The following USP36 variants were observed in gnomAD, a reference collection of about 807,000 sequenced individuals.
The protein encoded by USP36 is ubiquitin specific peptidase 36, also known as ubiquitin carboxyl-terminal hydrolase 36.
In USP36, 59 loss-of-function variants were observed where a neutral mutation model predicts 111.5. The observed-to-expected ratio is 0.53, with a 90% CI of 0.43 to 0.66. The LOEUF (loss-of-function observed/expected upper bound fraction) is 0.66. USP36 is among the 30% of genes least tolerant of loss of function. The probability of loss-of-function intolerance (pLI) is 0.00; values close to 1 mark genes in which losing one functional copy is unlikely to be tolerated. For synonymous variants in USP36, 628 were observed against 581.0 expected (o/e 1.08, Z -1.16); for missense variants, 1,488 against 1,468.0 (o/e 1.01, Z -0.22).
chr17:78,837,630 C>T (rs1437037305), intron 2 of USP36, among the ~76,000 whole-genome samples: 1 of 152,170 alleles, frequency 6.6e-6, no homozygotes, highest in Non-Finnish European at 1.5e-5. Context: ...CCACCACTTG[C>T]CCTCCCCTAC....
chr17:78,835,602 G>T (rs940099901), intron 3 of USP36, 101 bp from the exon 4 acceptor site: 1 of 1,135,378 alleles, frequency 8.8e-7, no homozygotes, highest in Non-Finnish European at 1.3e-6. Context: ...AGCATGCAGT[G>T]ACTCGGAACA....
At chr17:78,811,015 G>C (rs1234945585) in intron 13 of USP36, among the ~76,000 whole-genome samples, 17 of 151,528 alleles carry the variant, frequency 1.1e-4, no homozygotes, top group Admixed American at 1.1e-3. Context: ...TCAGGAGGCA[G>C]AGGCAGGAGA....
intron 17 of USP36, among the ~76,000 whole-genome samples, chr17:78,800,668 GC>G (rs2093718534): frequency 6.6e-6 from 1 of 152,196 alleles, no homozygotes; most frequent in Admixed American, 6.5e-5. Context: ...CCAACGTGCT[GC>G]GCCTCCTGCC....
chr17:78,805,759 C>T (rs1482740514), intron 15 of USP36, among the ~76,000 whole-genome samples: 6 of 152,200 alleles, frequency 3.9e-5, no homozygotes, highest in Non-Finnish European at 5.9e-5. Flanking sequence ...AAAAAACGCT[C>T]GGGACTCCGA....
intron 10 of USP36, among the ~76,000 whole-genome samples, chr17:78,817,701 G>A (rs541414853): frequency 1.8e-3 from 268 of 150,236 alleles, no homozygotes; most frequent in African/African-American, 6.4e-3. Context: ...CAGCGCCACT[G>A]CAATCCAGCC....
chr17:78,794,378 C>T (rs1040904109), downstream of USP36, among the ~76,000 whole-genome samples: 1 of 152,214 alleles, frequency 6.6e-6, no homozygotes. Flanking sequence ...TTACAGTTAG[C>T]CAGCTGAGTC....
intron 17 of USP36, among the ~76,000 whole-genome samples, 180 bp from the exon 18 acceptor site, chr17:78,799,948 C>T (rs2093700189): frequency 7.4e-6 from 1 of 135,122 alleles, no homozygotes; most frequent in African/African-American, 2.7e-5. Context: ...GTCTCAAACT[C>T]CTTGGGACTC....
chr17:78,835,030 C>A (rs895360123), intron 4 of USP36, among the ~76,000 whole-genome samples: 4 of 141,818 alleles, frequency 2.8e-5, no homozygotes, highest in African/African-American at 9.1e-5. Context: ...TTGGAAGTAT[C>A]TTTTGAAAAC....
chr17:78,835,431 C>T lies in USP36; in HGVS notation c.324G>A (p.Glu108=). 1 of 1,614,228 alleles carries T rather than the reference C, an allele frequency of 6.2e-7. No individual in the cohort carries two copies. Residue 108 remains glutamate (E), a synonymous_variant, in exon 4 of 21, where the codon GAG becomes GAA. Coordinates refer to ENST00000449938, the MANE Select transcript of USP36 (RefSeq NM_001385174.1). ...PAPQKVLFPT[E]RLSLRWERVF... ...CCCGCTCCCACCTCAGAGACAGTCG[C>T]TCCGTGGGGAAAAGCACTTTCTGCG...
chr17:78,803,428 G>A lies in USP36; in HGVS notation c.2767C>T (p.Leu923Phe). 6.2e-7 allele frequency: 1 copy of A among 1,614,072 alleles called. No individual in the cohort carries two copies. Among genetic ancestry groups the A allele is most frequent in the Non-Finnish European group, 8.5e-7 (1 of 1,180,016 alleles). The change falls in exon 16 of 21, where the codon CTT becomes TTT. Residue 923 changes from leucine (L) to phenylalanine (F), a missense_variant. Leu to Phe is a conservative substitution (Grantham distance 22, BLOSUM62 0). This residue lies in a region of USP36 where 1,073 missense variants were observed against 994.1 expected (regional missense o/e 1.08). Coordinates refer to ENST00000449938, the MANE Select transcript of USP36 (RefSeq NM_001385174.1). This position sits in a 1 kb window ranked among gnomAD's most constrained non-coding sequence, Gnocchi z 4.6. Reference protein sequence around the residue: ...RKRRRKGAEGLGEEGGLHQDP... With the variant: ...RKRRRKGAEGFGEEGGLHQDP... ...TGGTGCAGGCCGCCTTCTTCACCAA[G>A]ACCTTCTGCTCCTTTCCTCCTCCGC...
rs1300804481 is a variant in USP36, at chr17:78,798,694, C to T, written c.3241-143G>A. 2.2e-6 allele frequency: 3 copies of T among 1,337,490 alleles called. No homozygotes were observed. In the African/African-American group the frequency reaches 4.4e-5, roughly 19 times the overall value. The allele number at this position is 1,337,490 out of a possible 1,614,324, so 82.9% of individuals were successfully genotyped here. The stretch of plus-strand genomic sequence containing the variant: ...CCCACTCTTCACAATGACCCCTGTG[C>T]ACGGCGACCTGCAGTCCCCCTATTG... On this transcript the variant is annotated intron_variant, in intron 19 of 20. Coordinates refer to ENST00000449938, the MANE Select transcript of USP36 (RefSeq NM_001385174.1). The surrounding 1 kb of genome is among the most constrained non-coding windows in gnomAD (Gnocchi z 5.1).
intron 4 of USP36, among the ~76,000 whole-genome samples, chr17:78,832,190 T>C (rs910343457): frequency 6.6e-6 from 1 of 152,210 alleles, no homozygotes; most frequent in Non-Finnish European, 1.5e-5. Flanking sequence ...ATTTACACAG[T>C]GTTTCTCTTC....
At chr17:78,805,431 T>C (rs573425174) in intron 15 of USP36, among the ~76,000 whole-genome samples, 4 of 152,142 alleles carry the variant, frequency 2.6e-5, no homozygotes, top group Non-Finnish European at 5.9e-5. Context: ...CAGTCATACC[T>C]CGCCCTCATG....
intron 5 of USP36, among the ~76,000 whole-genome samples, chr17:78,828,362 C>CT (rs2067769064): frequency 6.6e-6 from 1 of 152,136 alleles, no homozygotes; most frequent in African/African-American, 2.4e-5. Context: ...GTGAATGAGA[C>CT]TTTTTTATAG....
Position 78,821,697 on chromosome 17 carries a change from C to A in USP36, c.757+240G>T, listed in dbSNP as rs191600495. 3.1e-4 allele frequency among the ~76,000 whole-genome samples: 47 copies of A among 152,092 alleles called. No homozygotes were observed. In the East Asian group the frequency reaches 9.0e-3, roughly 29 times the overall value. On this transcript the variant is annotated intron_variant, in intron 7 of 20. Coordinates refer to ENST00000449938, the MANE Select transcript of USP36 (RefSeq NM_001385174.1). The stretch of plus-strand genomic sequence containing the variant: ...AGGTGATCCTCCTGCCTCGGCCTCC[C>A]AAAGTGCTGGGATTACAGGCGTGAG...
intron 9 of USP36, 26 bp from the exon 10 acceptor site, chr17:78,818,804 TAATG>T (rs1446860806): frequency 1.2e-6 from 2 of 1,610,142 alleles, no homozygotes; most frequent in Non-Finnish European, 8.5e-7. Flanking sequence ...TGAGAAAGAT[TAATG>T]AATGATTGAT....
intron 5 of USP36, 57 bp downstream of exon 5, chr17:78,828,840 T>C (rs573279352): frequency 8.1e-5 from 126 of 1,547,092 alleles, no homozygotes; most frequent in African/African-American, 2.2e-4. Flanking sequence ...ACCCCATCTC[T>C]ACAAAAAATT....
rs530945534 is a variant in USP36 at position 78,828,500 on chromosome 17, A to C, written c.586+397T>G. On this transcript the variant is annotated intron_variant, in intron 5 of 20. Coordinates refer to ENST00000449938, the MANE Select transcript of USP36 (RefSeq NM_001385174.1). Reference sequence around the variant, plus strand: ...AATAACTCCTCCACCTGCCCAAAGGAAAAGCTACCTGTCCTGACCTGCCCC... The same window carrying C: ...AATAACTCCTCCACCTGCCCAAAGGCAAAGCTACCTGTCCTGACCTGCCCC... 1.8e-4 allele frequency among the ~76,000 whole-genome samples: 27 copies of C among 152,240 alleles called. 1 individual carries two copies. The South Asian group carries it at 5.6e-3, about 32-fold the overall frequency.
chr17:78,799,082 A>G, intron 18 of USP36, 59 bp from the exon 19 acceptor site: 1 of 1,522,496 alleles, frequency 6.6e-7, no homozygotes, highest in Non-Finnish European at 9.1e-7. Context: ...CTGTGGCTTC[A>G]CTTCAAGAGT....
Sources: gnomAD v4.1 joint callset for allele counts (sites outside exome capture counted in the v4.1 genomes callset) on GRCh38, gnomAD v4.1.1 for gene constraint, gnomAD v4.1.1 regional missense constraint, Gnocchi (gnomAD v3.1) non-coding constraint, MANE v1.5 for transcripts, NCBI Gene and HGNC (gene_info 2026-07-23, HGNC 2026-07-21) for gene names.